Variants in PWWP3B observed in about 807,000 individuals in gnomAD.
PWWP3B encodes the protein PWWP domain-containing DNA repair factor 3B.
In PWWP3B, 5 loss-of-function variants were observed where a neutral mutation model predicts 15.7. The ratio of observed to expected loss-of-function variants is 0.32; its 90% CI spans 0.17 to 0.67. The LOEUF is 0.67. Among genes scored for constraint, PWWP3B ranks in the 30% least tolerant of loss-of-function variants. The probability of loss-of-function intolerance (pLI) is 0.74; values close to 1 mark genes in which losing one functional copy is unlikely to be tolerated. For missense variants in PWWP3B, 519 were observed against 493.1 expected (o/e 1.05, Z -0.50); for synonymous variants, 203 against 179.8 (o/e 1.13, Z -1.03).
intron 2 of PWWP3B, among the ~76,000 whole-genome samples, chrX:106,196,825 C>T (rs1923404215): frequency 8.9e-6 from 1 of 111,984 alleles, no homozygotes; most frequent in East Asian, 2.8e-4. Context: ...AGTTTTTCCT[C>T]CTTTCCTCAC....
At chrX:106,189,035 T>TAAG (rs1922700701) in intron 2 of PWWP3B, among the ~76,000 whole-genome samples, 1 of 111,969 alleles carries the variant, frequency 8.9e-6, no homozygotes. Context: ...TTTCTTGGTT[T>TAAG]TATGGTAGGT....
At chrX:106,178,163 C>T (rs1408497294) in intron 2 of PWWP3B, among the ~76,000 whole-genome samples, 1 of 111,863 alleles carries the variant, frequency 8.9e-6, no homozygotes, top group Non-Finnish European at 1.9e-5. Context: ...TTGCATGTGT[C>T]CTCCCTGCAG....
At chrX:106,198,786 G>A (rs1923524549) in intron 2 of PWWP3B, among the ~76,000 whole-genome samples, 3 of 110,588 alleles carry the variant, frequency 2.7e-5, no homozygotes, top group African/African-American at 9.9e-5. Flanking sequence ...TGATTTATGT[G>A]CAATCTAGAA....
intron 2 of PWWP3B, among the ~76,000 whole-genome samples, chrX:106,203,656 A>G (rs1207339100): frequency 8.9e-6 from 1 of 112,381 alleles, no homozygotes; most frequent in East Asian, 2.8e-4. Flanking sequence ...AAAATTCCAC[A>G]TGATAACTGA....
intron 2 of PWWP3B, among the ~76,000 whole-genome samples, chrX:106,173,629 A>G (rs771346489): frequency 1.8e-5 from 2 of 112,274 alleles, no homozygotes; most frequent in African/African-American, 6.5e-5. Context: ...AGAGGCTACA[A>G]CAGACGAGAA....
intron 2 of PWWP3B, among the ~76,000 whole-genome samples, chrX:106,186,080 A>G (rs763122900): frequency 8.9e-6 from 1 of 111,847 alleles, no homozygotes; most frequent in East Asian, 2.8e-4. Flanking sequence ...AGTGGTTTTT[A>G]GAAGTGGGAC....
intron 2 of PWWP3B, among the ~76,000 whole-genome samples, chrX:106,196,873 T>C (rs1261802173): frequency 8.9e-6 from 1 of 112,062 alleles, no homozygotes. Context: ...ATATTATTTG[T>C]GCTTCAGTTG....
At chrX:106,180,799 A>G (rs907547801) in intron 2 of PWWP3B, among the ~76,000 whole-genome samples, 2 of 111,931 alleles carry the variant, frequency 1.8e-5, no homozygotes, top group Non-Finnish European at 3.8e-5. Flanking sequence ...CTTCTTTTCT[A>G]TGTCTATATC....
chrX:106,207,211 A>C lies in PWWP3B; in HGVS notation c.1779A>C (p.Thr593=), dbSNP rs767604075. 1 of 1,209,264 alleles carries C rather than the reference A, an allele frequency of 8.3e-7. No individual in the cohort carries two copies. Among genetic ancestry groups the C allele is most frequent in the East Asian group, 3.0e-5 (1 of 33,822 alleles). Residue 593 remains threonine, a synonymous_variant, in exon 4 of 4, where the codon ACA becomes ACC. Coordinates refer to ENST00000357175, the MANE Select transcript of PWWP3B (RefSeq NM_001171020.2). ...LKSFLNANRF[T]PCIETYFEDE... The stretch of plus-strand genomic sequence containing the variant: ...CATTTTTGAATGCAAATAGGTTCAC[A>C]CCCTGTATTGAAACATACTTTGAGG...
intron 2 of PWWP3B, among the ~76,000 whole-genome samples, chrX:106,192,457 G>A (rs1254832615): frequency 1.0e-4 from 11 of 109,897 alleles, no homozygotes; most frequent in South Asian, 7.8e-4. Context: ...TCTTGGTAGC[G>A]GTCTATCAAT....
chrX:106,189,223 T>G (rs1922717179), intron 2 of PWWP3B, among the ~76,000 whole-genome samples: 1 of 111,992 alleles, frequency 8.9e-6, no homozygotes, highest in South Asian at 3.7e-4. Flanking sequence ...CTTTGAACCT[T>G]TTTTTAAAAT....
At chrX:106,181,195 C>T (rs1191964064) in intron 2 of PWWP3B, among the ~76,000 whole-genome samples, 1 of 111,708 alleles carries the variant, frequency 9.0e-6, no homozygotes, top group Non-Finnish European at 1.9e-5. Flanking sequence ...AAAGGTGGCA[C>T]GGGCCCAAAG....
chrX:106,183,133 G>C (rs889349010), intron 2 of PWWP3B, among the ~76,000 whole-genome samples: 1 of 110,844 alleles, frequency 9.0e-6, no homozygotes, highest in Non-Finnish European at 1.9e-5. Context: ...TACTGAGTAT[G>C]GTCCTTCCCA....
chrX:106,175,441 C>G (rs1186850823), intron 2 of PWWP3B, among the ~76,000 whole-genome samples: 1 of 108,992 alleles, frequency 9.2e-6, no homozygotes, highest in Non-Finnish European at 1.9e-5. Flanking sequence ...GGGGTTTCAC[C>G]GTGTTAGCCA....
Position 106,185,010 on chromosome X carries a change from T to C in PWWP3B, c.-401+13871T>C, listed in dbSNP as rs144556917. 2.7e-5 allele frequency among the ~76,000 whole-genome samples: 3 copies of C among 111,687 alleles called. No individual in the cohort carries two copies. The East Asian group carries it at 8.5e-4, about 32-fold the overall frequency. On this transcript the variant is annotated intron_variant, in intron 2 of 3. Transcript: ENST00000357175. ...AGCTGAGAGGTTCTGCTGTGGGATG[T>C]AAATTGCATGCTTTGCATAGTTGTG... is the stretch of plus-strand genomic sequence containing the variant.
At chrX:106,184,344 C>G (rs909506297) in intron 2 of PWWP3B, among the ~76,000 whole-genome samples, 1 of 111,293 alleles carries the variant, frequency 9.0e-6, no homozygotes, top group Non-Finnish European at 1.9e-5. Flanking sequence ...CTCCCATAGC[C>G]GCTGGAGAAA....
rs752898720 is a variant in PWWP3B at position 106,206,675 on chromosome X, C to A, written c.1243C>A (p.Arg415=). 11 of 1,207,572 alleles carry A rather than the reference C, an allele frequency of 9.1e-6. No homozygotes were observed. The highest frequency in any genetic ancestry group is 1.2e-5 in the Non-Finnish European group (11 of 894,076). ...GCCAGCAGTGATAAAAAGTATCAGA[C>A]GAAAAGAGAGGAAAGCAAGTGTGCT... is the stretch of plus-strand genomic sequence containing the variant. ...FWPAVIKSIR[R]KERKASVLFV... Residue 415 remains arginine, a synonymous_variant, in exon 4 of 4, where the codon CGA becomes AGA. Coordinates refer to ENST00000357175, the MANE Select transcript of PWWP3B (RefSeq NM_001171020.2).
chrX:106,188,574 G>C (rs1922663549), intron 2 of PWWP3B, among the ~76,000 whole-genome samples: 2 of 111,941 alleles, frequency 1.8e-5, no homozygotes, highest in Admixed American at 9.5e-5. Flanking sequence ...AGTTTGAAGA[G>C]CTTTGAGAAA....
At chrX:106,190,726 G>A (rs1025285672) in intron 2 of PWWP3B, among the ~76,000 whole-genome samples, 1 of 111,844 alleles carries the variant, frequency 8.9e-6, no homozygotes, top group Non-Finnish European at 1.9e-5. Context: ...TTAGTATAAG[G>A]TGTAAGGAAG....
Sources: allele counts gnomAD v4.1 joint callset (sites outside exome capture counted in the v4.1 genomes callset), GRCh38; gene constraint gnomAD v4.1.1; transcripts MANE v1.5; gene names NCBI Gene and HGNC (gene_info 2026-07-23, HGNC 2026-07-21).